OPHN1: variants seen among roughly 807,000 people sequenced by gnomAD.
The protein encoded by OPHN1 is oligophrenin-1.
A neutral mutation model predicts 60.7 loss-of-function variants in OPHN1; 11 were observed. That is an observed-to-expected ratio of 0.18 (90% CI 0.11 to 0.30). The LOEUF (loss-of-function observed/expected upper bound fraction) is 0.30. OPHN1 is among the 10% of genes least tolerant of loss of function. OPHN1 has a pLI of 1.00. For synonymous variants in OPHN1, 226 were observed against 222.6 expected (o/e 1.02, Z -0.14); for missense variants, 449 against 611.0 (o/e 0.73, Z 2.80).
At chrX:68,083,357 C>A (rs760373920) in intron 19 of OPHN1, among the ~76,000 whole-genome samples, 2 of 110,693 alleles carry the variant, frequency 1.8e-5, no homozygotes, top group East Asian at 5.8e-4. Context: ...CAGGCGTGAG[C>A]CACCGCGCCC....
intron 3 of OPHN1, among the ~76,000 whole-genome samples, chrX:68,295,966 A>G (rs1450339610): frequency 9.0e-6 from 1 of 111,484 alleles, no homozygotes; most frequent in East Asian, 2.8e-4. Flanking sequence ...GTGAAACAAG[A>G]TGTATTGACT....
At chrX:68,327,801 A>T (rs1270812342) in intron 2 of OPHN1, among the ~76,000 whole-genome samples, 6 of 73,298 alleles carry the variant, frequency 8.2e-5, no homozygotes, top group Non-Finnish European at 1.4e-4. Context: ...AAAAAATAAA[A>T]AAAAAAAAAA....
In OPHN1 at chrX:68,134,664, G is replaced by GCTGGGCCTGGGC. The variant is rs1462390447; in HGVS notation, c.1277-15344_1277-15333dup. Among the ~76,000 whole-genome samples the GCTGGGCCTGGGC allele has an allele frequency of 7.2e-5, 8 of 110,535 alleles. 1 individual carries two copies. The South Asian group carries it at 1.2e-3, about 16-fold the overall frequency. On this transcript the variant is annotated intron_variant, in intron 15 of 24. Coordinates refer to ENST00000355520, the MANE Select transcript of OPHN1 (RefSeq NM_002547.3). Reference sequence around the variant, plus strand: ...TGGGAGCATAGCAGGTAAGCTCAGAGCTGGGCCTGGGCCTGGGCCAGGGCC... The same window carrying GCTGGGCCTGGGC: ...TGGGAGCATAGCAGGTAAGCTCAGAGCTGGGCCTGGGCCTGGGCCTGGGCCTGGGCCAGGGCC...
At chrX:68,162,762 C>T (rs771580762) in intron 15 of OPHN1, among the ~76,000 whole-genome samples, 9 of 110,816 alleles carry the variant, frequency 8.1e-5, no homozygotes, top group African/African-American at 2.6e-4. Context: ...TGTAAATCAG[C>T]TAATTATGTT....
At chrX:68,275,488 C>G (rs893806968) in intron 4 of OPHN1, among the ~76,000 whole-genome samples, 1 of 111,206 alleles carries the variant, frequency 9.0e-6, no homozygotes, top group Admixed American at 9.6e-5. Context: ...TTCATATAAA[C>G]CTCTTATGAG....
intron 2 of OPHN1, among the ~76,000 whole-genome samples, chrX:68,327,781 TAAAAAA>T (rs1161356462): frequency 1.9e-5 from 1 of 52,386 alleles, no homozygotes; most frequent in Admixed American, 2.1e-4. Context: ...TCAATAAAAA[TAAAAAA>T]TAAAAAAAAT....
intron 5 of OPHN1, among the ~76,000 whole-genome samples, chrX:68,247,956 C>T (rs2077815152): frequency 9.0e-6 from 1 of 111,145 alleles, no homozygotes; most frequent in Admixed American, 9.7e-5. Context: ...GAAGGCTCCA[C>T]CGATTGTCCC....
At chrX:68,311,723 G>C (rs753687092) in intron 2 of OPHN1, among the ~76,000 whole-genome samples, 1 of 111,891 alleles carries the variant, frequency 8.9e-6, no homozygotes, top group African/African-American at 3.2e-5. Context: ...GTGAGCCACC[G>C]TGCCTAGCTG....
In OPHN1 at chrX:68,317,539, A is replaced by AAAAGAAAGAAAG. The variant is rs762679584; in HGVS notation, c.155-18455_155-18444dup. Among the ~76,000 whole-genome samples, 551 of 58,893 alleles carry AAAAGAAAGAAAG rather than the reference A, an allele frequency of 9.4e-3. 12 individuals carry two copies. The highest frequency in any genetic ancestry group is 0.058 in the African/African-American group (433 of 7,513). The allele number at this position is 58,893 out of a possible 115,157, so 51.1% of individuals were successfully genotyped here. A position where few individuals can be genotyped will look rare whatever the true frequency, so the allele number is the denominator to read the frequency against. On this transcript the variant is annotated intron_variant, in intron 2 of 24. Transcript: ENST00000355520. ...AGAGAGAAAGAAAGAAAGAAAGAAA[A>AAAAGAAAGAAAG]AAAGAAAGAAAGAAAGAAAGAAAGA...
chrX:68,241,441 A>T (rs749818333), intron 5 of OPHN1, among the ~76,000 whole-genome samples: 11 of 112,315 alleles, frequency 9.8e-5, no homozygotes, highest in South Asian at 7.4e-4. Context: ...ATGGAACATT[A>T]TGAGTCATTA....
At chrX:68,051,517 T>C (rs1201366620) in intron 23 of OPHN1, among the ~76,000 whole-genome samples, 1 of 111,832 alleles carries the variant, frequency 8.9e-6, no homozygotes, top group Admixed American at 9.5e-5. Context: ...TTTCTCCATG[T>C]TTCCAGGTGA....
At chrX:68,217,325 A>T (rs1176449378) in intron 6 of OPHN1, among the ~76,000 whole-genome samples, 1 of 111,666 alleles carries the variant, frequency 9.0e-6, no homozygotes, top group Admixed American at 9.4e-5. Flanking sequence ...CTGAGATCAA[A>T]CTGCAAGGCG....
intron 2 of OPHN1, among the ~76,000 whole-genome samples, chrX:68,409,630 C>A (rs1225255022): frequency 2.7e-5 from 3 of 111,822 alleles, no homozygotes; most frequent in South Asian, 3.7e-4. Flanking sequence ...AAATACAATT[C>A]TTTTGTATGC....
At chrX:68,250,956 A>G (rs2077830853) in intron 5 of OPHN1, among the ~76,000 whole-genome samples, 1 of 110,627 alleles carries the variant, frequency 9.0e-6, no homozygotes, top group South Asian at 3.8e-4. Context: ...AGTTTCCCTA[A>G]CAATATATAA....
rs193264370 is a variant in OPHN1 at position 68,255,569 on chromosome X, C to T, written c.384+19169G>A. 3.3e-4 allele frequency among the ~76,000 whole-genome samples: 37 copies of T among 111,529 alleles called. 1 individual carries two copies. Among genetic ancestry groups the T allele is most frequent in the South Asian group, 1.5e-3 (4 of 2,659 alleles). Reference sequence around the variant, plus strand: ...TCAGGAGTAAAAAGACTGAGGAAGACGACTGAGGAAGAGGAAGAGGGAATG... The same window carrying T: ...TCAGGAGTAAAAAGACTGAGGAAGATGACTGAGGAAGAGGAAGAGGGAATG... On this transcript the variant is annotated intron_variant, in intron 5 of 24. Coordinates refer to ENST00000355520, the MANE Select transcript of OPHN1 (RefSeq NM_002547.3).
At chrX:68,324,742 T>C (rs1057470628) in intron 2 of OPHN1, among the ~76,000 whole-genome samples, 5 of 111,119 alleles carry the variant, frequency 4.5e-5, no homozygotes, top group Admixed American at 3.8e-4. Context: ...ATGAATTTCA[T>C]ATTAAAAATT....
intron 18 of OPHN1, among the ~76,000 whole-genome samples, chrX:68,101,048 A>C (rs1392508034): frequency 8.9e-6 from 1 of 111,743 alleles, no homozygotes; most frequent in Non-Finnish European, 1.9e-5. Context: ...GCCCAGCGAA[A>C]TGGTGCCTTT....
intron 15 of OPHN1, among the ~76,000 whole-genome samples, chrX:68,181,455 G>A (rs1287792099): frequency 9.0e-6 from 1 of 111,292 alleles, no homozygotes; most frequent in African/African-American, 3.3e-5. Context: ...ATCTGAATTT[G>A]AATTTTAACT....
chrX:68,424,599 A>G (rs2078845363), intron 2 of OPHN1, among the ~76,000 whole-genome samples: 1 of 111,737 alleles, frequency 8.9e-6, no homozygotes, highest in African/African-American at 3.3e-5. Context: ...CAGATTAAAC[A>G]AAAGGTTTTG....
Sources: gnomAD v4.1 joint callset for allele counts (sites outside exome capture counted in the v4.1 genomes callset) on GRCh38, gnomAD v4.1.1 for gene constraint, MANE v1.5 for transcripts, NCBI Gene and HGNC (gene_info 2026-07-23, HGNC 2026-07-21) for gene names.